The following FRMPD3 variants were observed in gnomAD, a reference collection of about 807,000 sequenced individuals.
The protein encoded by FRMPD3 is FERM and PDZ domain-containing protein 3.
In FRMPD3, 42 loss-of-function variants were observed where a neutral mutation model predicts 97.9. The observed-to-expected ratio is 0.43, with a 90% CI of 0.34 to 0.55. FRMPD3 has a LOEUF of 0.55. Ranked by LOEUF, FRMPD3 falls within the 20% of genes least tolerant of loss-of-function variation. FRMPD3 has a pLI of 0.03. For synonymous variants in FRMPD3, 577 were observed against 581.1 expected, an observed-to-expected ratio of 0.99 and a Z score of 0.10; for missense variants, 1,303 against 1,457.7, an observed-to-expected ratio of 0.89 and a Z score of 1.73.
At chrX:107,574,710 G>C (rs1266276161) in intron 12 of FRMPD3, among the ~76,000 whole-genome samples, 2 of 112,377 alleles carry the variant, frequency 1.8e-5, no homozygotes, top group Non-Finnish European at 3.8e-5. Context: ...ATCAAGTTCT[G>C]TCAGGTCTTC....
intron 12 of FRMPD3, among the ~76,000 whole-genome samples, chrX:107,567,999 A>G (rs1251081221): frequency 1.8e-5 from 2 of 111,127 alleles, no homozygotes; most frequent in African/African-American, 3.3e-5. Context: ...CCACTCTTGC[A>G]CAGACAATGC....
intron 2 of FRMPD3, among the ~76,000 whole-genome samples, chrX:107,527,159 G>A (rs1922728869): frequency 8.9e-6 from 1 of 111,952 alleles, no homozygotes; most frequent in African/African-American, 3.2e-5. Flanking sequence ...CTAACCATCA[G>A]GCTGTGGAGA....
intron 1 of FRMPD3, among the ~76,000 whole-genome samples, chrX:107,510,912 T>C (rs1048568733): frequency 1.8e-5 from 2 of 112,181 alleles, no homozygotes; most frequent in East Asian, 5.6e-4. Flanking sequence ...GAGTCAGGGG[T>C]TGCTCCCTCA....
chrX:107,510,610 T>C (rs1206878967), intron 1 of FRMPD3, among the ~76,000 whole-genome samples: 1 of 112,090 alleles, frequency 8.9e-6, no homozygotes, highest in African/African-American at 3.2e-5. Flanking sequence ...TTGGTTTTTA[T>C]TCTTAGGTGG....
rs961409761 is a variant in FRMPD3 at position 107,498,428 on chromosome X, C to T, written c.-7-28154C>T. 3.6e-5 allele frequency among the ~76,000 whole-genome samples: 4 copies of T among 112,042 alleles called. No individual in the cohort carries two copies. The East Asian group carries it at 1.1e-3, about 32-fold the overall frequency. On this transcript the variant is annotated intron_variant, in intron 1 of 14. Coordinates refer to ENST00000683843, the MANE Select transcript of FRMPD3 (RefSeq NM_001388459.1). ...TCTCACCCATCTGTTTTAGCCTAGT[C>T]TTCCACACAAGACTGGTACTTACAA...
intron 13 of FRMPD3, among the ~76,000 whole-genome samples, chrX:107,578,264 C>G (rs762288130): frequency 4.9e-4 from 55 of 111,347 alleles, no homozygotes; most frequent in African/African-American, 1.7e-3. Context: ...CTCTGTAGTC[C>G]CACCCTACCT....
intron 2 of FRMPD3, among the ~76,000 whole-genome samples, chrX:107,528,025 T>A (rs767435979): frequency 9.0e-6 from 1 of 110,751 alleles, no homozygotes; most frequent in Non-Finnish European, 1.9e-5. Context: ...TGAGACAGAA[T>A]CTGCACAGCT....
chrX:107,564,474 C>T (rs906167530), intron 11 of FRMPD3, among the ~76,000 whole-genome samples: 1 of 112,187 alleles, frequency 8.9e-6, no homozygotes, highest in Non-Finnish European at 1.9e-5. Flanking sequence ...AGACCAGACA[C>T]AGGATGCCGC....
chrX:107,545,897 T>G (rs1602797887), intron 5 of FRMPD3, 56 bp downstream of exon 5: 1 of 951,337 alleles, frequency 1.1e-6, no homozygotes, highest in East Asian at 3.1e-5. Flanking sequence ...TGCCTGGCTG[T>G]CAAGCTCTCG....
At chrX:107,452,499 A>G (rs1287521607) in intron 1 of FRMPD3, among the ~76,000 whole-genome samples, 3 of 111,978 alleles carry the variant, frequency 2.7e-5, no homozygotes, top group African/African-American at 9.7e-5. Context: ...TGGCCAGGGG[A>G]GGGTGGCAGC....
rs765564425 is a variant in FRMPD3 at position 107,602,836 on chromosome X, C to T, written c.4797C>T (p.Asn1599=). ...TCCTGGCTGCCCGGCTGGACACCAA[C>T]GAGCTGCTGACAGTCCTGCGGCAGT... ...DGFLAARLDT[N]ELLTVLRQCV... is the part of the protein sequence containing the mutation. Residue 1599 remains asparagine (N), a synonymous_variant, in exon 15 of 15, where the codon AAC becomes AAT. Transcript: ENST00000683843. The T allele has an allele frequency of 4.5e-5, 54 of 1,208,748 alleles. No individual in the cohort carries two copies. Among genetic ancestry groups the T allele is most frequent in the Middle Eastern group, 4.6e-4 (2 of 4,345 alleles).
chrX:107,532,738 T>C (rs1569417326), intron 3 of FRMPD3, among the ~76,000 whole-genome samples: 1 of 112,339 alleles, frequency 8.9e-6, no homozygotes, highest in Admixed American at 9.4e-5. Context: ...ACTCTACTTC[T>C]TAAATGACTT....
intron 5 of FRMPD3, among the ~76,000 whole-genome samples, 175 bp from the exon 6 acceptor site, chrX:107,549,873 GT>G (rs1450660386): frequency 1.1e-3 from 119 of 110,869 alleles, no homozygotes; most frequent in Non-Finnish European, 4.5e-4. Flanking sequence ...TTGTTGGGGA[GT>G]TTGGTTCTGG....
At position 107,600,426 on chromosome X, in the gene FRMPD3, C is replaced by A; in HGVS notation, c.2387C>A (p.Thr796Asn). The A allele has an allele frequency of 8.3e-7, 1 of 1,210,753 alleles. No individual in the cohort carries two copies. The highest frequency in any genetic ancestry group is 1.1e-6 in the Non-Finnish European group (1 of 895,288). Residue 796 changes from threonine to asparagine, a missense_variant, in exon 15 of 15, where the codon ACC becomes AAC. Physicochemically the swap from Thr to Asn is moderately conservative, Grantham distance 65. This residue lies in a region of FRMPD3 where 764 missense variants were observed against 820.2 expected (regional missense o/e 0.93). Transcript: ENST00000683843. ...GCCATGAAGCAGCACCAGAACACCA[C>A]CTACTTCCTGGCCCAGCACCTCAAC... ...MSAMKQHQNT[T>N]YFLAQHLNKD...
At chrX:107,523,416 A>G (rs1380021399) in intron 1 of FRMPD3, among the ~76,000 whole-genome samples, 1 of 111,831 alleles carries the variant, frequency 8.9e-6, no homozygotes, top group Non-Finnish European at 1.9e-5. Context: ...ACCTGCAGGA[A>G]GATGGAATGC....
chrX:107,584,226 G>A lies in FRMPD3; in HGVS notation c.1441+7767G>A, dbSNP rs189300316. ...GCATTTTTTCATATGTTCGTTGGCCGCGTAAATGTCTTCTTTTGAGAAGTG... is the reference window on the plus strand; with the variant it reads ...GCATTTTTTCATATGTTCGTTGGCCACGTAAATGTCTTCTTTTGAGAAGTG... On this transcript the variant is annotated intron_variant, in intron 13 of 14. Coordinates refer to ENST00000683843, the MANE Select transcript of FRMPD3 (RefSeq NM_001388459.1). 2.2e-3 allele frequency among the ~76,000 whole-genome samples: 247 copies of A among 111,015 alleles called. 1 individual carries two copies. Among genetic ancestry groups the A allele is most frequent in the Admixed American group, 0.018 (182 of 10,362 alleles).
intron 8 of FRMPD3, among the ~76,000 whole-genome samples, chrX:107,557,546 G>T (rs1922128580): frequency 1.9e-5 from 2 of 107,115 alleles, no homozygotes; most frequent in Admixed American, 1.0e-4. Flanking sequence ...CTAACCCAAG[G>T]TTACAAGAAT....
At chrX:107,501,518 G>A in intron 1 of FRMPD3, among the ~76,000 whole-genome samples, 1 of 74,753 alleles carries the variant, frequency 1.3e-5, no homozygotes, top group African/African-American at 6.0e-5. Context: ...ACAGGCGCCC[G>A]CCACCGCGCC....
At chrX:107,517,051 G>C (rs761139954) in intron 1 of FRMPD3, among the ~76,000 whole-genome samples, 17 of 111,743 alleles carry the variant, frequency 1.5e-4, no homozygotes, top group African/African-American at 5.5e-4. Context: ...ATTAATTTTT[G>C]TATAAGGTGT....
Sources: gnomAD v4.1 joint callset for allele counts (sites outside exome capture counted in the v4.1 genomes callset) on GRCh38, gnomAD v4.1.1 for gene constraint, gnomAD v4.1.1 regional missense constraint, MANE v1.5 for transcripts, NCBI Gene and HGNC (gene_info 2026-07-23, HGNC 2026-07-21) for gene names.